The following CHN1 variants were observed in gnomAD, a reference collection of about 807,000 sequenced individuals.
The protein encoded by CHN1 is N-chimaerin.
CHN1 carries 37 observed loss-of-function variants against 59.5 expected under a neutral mutation model. That is an observed-to-expected ratio of 0.62 (90% CI 0.48 to 0.82). The LOEUF is 0.82. Among genes scored for constraint, CHN1 ranks in the 40% least tolerant of loss-of-function variants. CHN1 has a pLI of 0.00. For synonymous variants in CHN1, 206 were observed against 200.4 expected, an observed-to-expected ratio of 1.03 and a Z score of -0.24; for missense variants, 469 against 571.0, an observed-to-expected ratio of 0.82 and a Z score of 1.82.
At chr2:174,984,052 C>T (rs1187293254) in intron 1 of CHN1, among the ~76,000 whole-genome samples, 2 of 150,122 alleles carry the variant, frequency 1.3e-5, no homozygotes, top group South Asian at 2.1e-4. Flanking sequence ...CTGCTCCACG[C>T]AAGTTTTTTT....
chr2:174,865,463 T>C (rs567838858), intron 6 of CHN1, among the ~76,000 whole-genome samples: 1 of 152,160 alleles, frequency 6.6e-6, no homozygotes, highest in South Asian at 2.1e-4. Flanking sequence ...TAGAATATCT[T>C]GATAATTCAC....
chr2:174,831,544 T>C (rs1485784580), intron 7 of CHN1, among the ~76,000 whole-genome samples: 2 of 152,184 alleles, frequency 1.3e-5, no homozygotes, highest in Non-Finnish European at 2.9e-5. Flanking sequence ...TATTATATGC[T>C]ACAAGGTACA....
chr2:174,897,674 C>T lies in CHN1; in HGVS notation c.260+17384G>A, dbSNP rs546684026. Among the ~76,000 whole-genome samples, 18 of 152,128 alleles carry T rather than the reference C, an allele frequency of 1.2e-4. 1 individual carries two copies. The South Asian group carries it at 3.3e-3, about 28-fold the overall frequency. On this transcript the variant is annotated intron_variant, in intron 5 of 12. Transcript: ENST00000409900. ...TATGTATGTACTTTTATTTTGAAAA[C>T]AAGCAAACTCATAACTTGATAGAAA...
chr2:174,830,509 C>T lies in CHN1; in HGVS notation c.628-5991G>A, dbSNP rs112867434. Among the ~76,000 whole-genome samples the T allele has an allele frequency of 4.7e-3, 713 of 152,148 alleles. 8 individuals carry two copies. Among genetic ancestry groups the T allele is most frequent in the African/African-American group, 0.016 (670 of 41,498 alleles). ...GGAGTAATAATGTATTAACAAAGAG[C>T]GAGGTTTTGGTTCAGTTAAGCACCA... On this transcript the variant is annotated intron_variant, in intron 7 of 12. Transcript: ENST00000409900.
intron 3 of CHN1, among the ~76,000 whole-genome samples, chr2:174,936,653 T>C (rs1689505587): frequency 6.6e-6 from 1 of 152,148 alleles, no homozygotes; most frequent in African/African-American, 2.4e-5. Flanking sequence ...ATAAATCATA[T>C]ATTTATATAT....
intron 5 of CHN1, among the ~76,000 whole-genome samples, chr2:174,891,716 A>AG (rs1688058825): frequency 6.6e-6 from 1 of 152,126 alleles, no homozygotes; most frequent in Non-Finnish European, 1.5e-5. Context: ...TCAAGGAACT[A>AG]GGGGAAAAAA....
chr2:174,864,885 A>T (rs1350845455), intron 6 of CHN1, among the ~76,000 whole-genome samples: 3 of 152,176 alleles, frequency 2.0e-5, no homozygotes, highest in Non-Finnish European at 2.9e-5. Flanking sequence ...AAATAAAAAT[A>T]AAATAAAATG....
At chr2:174,828,758 G>A (rs887207351) in intron 7 of CHN1, among the ~76,000 whole-genome samples, 1 of 152,156 alleles carries the variant, frequency 6.6e-6, no homozygotes, top group African/African-American at 2.4e-5. Context: ...TGGGATATGC[G>A]GGAAAGGAGG....
chr2:174,872,872 C>G (rs1687452538), intron 6 of CHN1, among the ~76,000 whole-genome samples: 2 of 152,184 alleles, frequency 1.3e-5, no homozygotes, highest in South Asian at 4.1e-4. Flanking sequence ...CAATGCTTCA[C>G]ATTTACTAGG....
At chr2:174,811,211 T>A (rs1263161291) in intron 10 of CHN1, 1 of 233,416 alleles carries the variant, frequency 4.3e-6, no homozygotes, top group African/African-American at 2.3e-5. Flanking sequence ...TCCTACTCTT[T>A]TCTCTATCAT....
intron 5 of CHN1, among the ~76,000 whole-genome samples, chr2:174,908,396 C>G (rs1313620823): frequency 6.6e-6 from 1 of 152,186 alleles, no homozygotes; most frequent in Non-Finnish European, 1.5e-5. Flanking sequence ...CTTTCTAAAT[C>G]ATAAATGTAA....
chr2:174,949,492 G>A (rs1414092800), intron 2 of CHN1, among the ~76,000 whole-genome samples: 1 of 151,952 alleles, frequency 6.6e-6, no homozygotes, highest in Non-Finnish European at 1.5e-5. Context: ...AAGTAGCTGG[G>A]ACCACAGGAG....
chr2:174,911,482 C>T (rs985299674), intron 5 of CHN1, among the ~76,000 whole-genome samples: 4 of 152,160 alleles, frequency 2.6e-5, no homozygotes, highest in African/African-American at 7.2e-5. Context: ...CCTTGTGTGA[C>T]AAACTTTCAC....
At chr2:174,862,982 C>T (rs1687112707) in intron 6 of CHN1, among the ~76,000 whole-genome samples, 1 of 152,120 alleles carries the variant, frequency 6.6e-6, no homozygotes. Context: ...GAATGAAGTG[C>T]TCTGGCTACC....
At chr2:174,928,173 A>C (rs1364633110) in intron 3 of CHN1, among the ~76,000 whole-genome samples, 4 of 152,196 alleles carry the variant, frequency 2.6e-5, no homozygotes, top group African/African-American at 9.7e-5. Flanking sequence ...CTATAAAGTA[A>C]GGAAGGAGGA....
chr2:174,949,251 T>C (rs925896411), intron 2 of CHN1, among the ~76,000 whole-genome samples: 6 of 152,226 alleles, frequency 3.9e-5, no homozygotes, highest in African/African-American at 1.4e-4. Flanking sequence ...ATCACATTTT[T>C]TTCTAAGATC....
At chr2:174,992,119 C>A (rs1385499660) in intron 1 of CHN1, among the ~76,000 whole-genome samples, 1 of 152,060 alleles carries the variant, frequency 6.6e-6, no homozygotes, top group Non-Finnish European at 1.5e-5. Context: ...AAGGCAGAGC[C>A]ACAGAAAGAA....
At position 174,898,591 on chromosome 2, in the gene CHN1, G is replaced by A. The variant is rs536543508; in HGVS notation, c.260+16467C>T. On this transcript the variant is annotated intron_variant, in intron 5 of 12. Coordinates refer to ENST00000409900, the MANE Select transcript of CHN1 (RefSeq NM_001822.7). The stretch of plus-strand genomic sequence containing the variant: ...TGCACTCCAGCCTGGGCGACAGAGC[G>A]AGACTCCGTCTCAAAAAAACAAAGA... Among the ~76,000 whole-genome samples, 292 of 152,268 alleles carry A rather than the reference G, an allele frequency of 1.9e-3. 1 individual carries two copies. The highest frequency in any genetic ancestry group is 6.6e-3 in the African/African-American group (274 of 41,570).
At chr2:174,952,283 T>C (rs1240803637) in intron 1 of CHN1, 81 bp from the exon 2 acceptor site, 1 of 869,764 alleles carries the variant, frequency 1.1e-6, no homozygotes, top group Non-Finnish European at 1.7e-6. Flanking sequence ...TCATTTAATA[T>C]ATATCTGTTG....
Sources: gnomAD v4.1 joint callset for allele counts (sites outside exome capture counted in the v4.1 genomes callset) on GRCh38, gnomAD v4.1.1 for gene constraint, MANE v1.5 for transcripts, NCBI Gene and HGNC (gene_info 2026-07-23, HGNC 2026-07-21) for gene names.